The following STRBP variants were observed in gnomAD, a reference collection of about 807,000 sequenced individuals.
The protein encoded by STRBP is spermatid perinuclear RNA binding protein, also known as spermatid perinuclear RNA-binding protein.
In STRBP, 13 loss-of-function variants were observed where a neutral mutation model predicts 80.1. The ratio of observed to expected loss-of-function variants is 0.16; its 90% CI spans 0.11 to 0.26. The LOEUF is 0.26. Ranked by LOEUF, STRBP falls within the 10% of genes least tolerant of loss-of-function variation. STRBP has a pLI of 1.00. For missense variants in STRBP, 485 were observed against 815.2 expected, an observed-to-expected ratio of 0.59 and a Z score of 4.93; for synonymous variants, 284 against 291.2, an observed-to-expected ratio of 0.98 and a Z score of 0.25.
At chr9:123,205,230 C>T (rs767794874) in intron 2 of STRBP, among the ~76,000 whole-genome samples, 19 of 152,216 alleles carry the variant, frequency 1.2e-4, no homozygotes, top group Non-Finnish European at 2.5e-4. Context: ...TGCACCACTG[C>T]ACTCCAGCTG....
At chr9:123,225,338 G>C (rs570605958) in intron 2 of STRBP, among the ~76,000 whole-genome samples, 32 of 152,276 alleles carry the variant, frequency 2.1e-4, no homozygotes, top group African/African-American at 7.5e-4. Flanking sequence ...GACAGATGGG[G>C]AAAAAGGAAA....
chr9:123,139,749 A>C, intron 13 of STRBP, 62 bp from the exon 14 acceptor site: 1 of 1,538,678 alleles, frequency 6.5e-7, no homozygotes, highest in Non-Finnish European at 8.8e-7. Flanking sequence ...AATAGACAAA[A>C]TATTGAGAAC....
At chr9:123,188,515 G>T (rs112218511) in intron 2 of STRBP, among the ~76,000 whole-genome samples, 1 of 152,020 alleles carries the variant, frequency 6.6e-6, no homozygotes, top group Admixed American at 6.5e-5. Context: ...GGTGGTGGGC[G>T]CCTGTAGTCC....
intron 2 of STRBP, among the ~76,000 whole-genome samples, chr9:123,187,579 T>C (rs1287489542): frequency 6.6e-6 from 1 of 152,222 alleles, no homozygotes. Context: ...AAATATTAAC[T>C]ATGCACTCCT....
chr9:123,234,200 C>CAAA (rs59309974), intron 2 of STRBP, among the ~76,000 whole-genome samples: 7 of 72,264 alleles, frequency 9.7e-5, no homozygotes, highest in African/African-American at 3.2e-4. Flanking sequence ...GACGCCGTGT[C>CAAA]AAAAAAAAAA....
intron 13 of STRBP, among the ~76,000 whole-genome samples, chr9:123,143,578 G>A (rs1295002924): frequency 6.6e-6 from 1 of 152,172 alleles, no homozygotes; most frequent in Non-Finnish European, 1.5e-5. Context: ...CATAACATGT[G>A]ATATAACTTT....
chr9:123,257,010 C>G (rs34742475), intron 1 of STRBP, among the ~76,000 whole-genome samples: 4,025 of 151,828 alleles, frequency 0.027, 74 homozygotes, highest in Non-Finnish European at 0.043. Flanking sequence ...TTGTCAAACT[C>G]ATAAAGATAG....
At chr9:123,178,053 GTAAA>G (rs753357772) in intron 4 of STRBP, among the ~76,000 whole-genome samples, 3 of 152,130 alleles carry the variant, frequency 2.0e-5, no homozygotes, top group Non-Finnish European at 4.4e-5. Context: ...TAAACTGCCT[GTAAA>G]TAGTTTAAAA....
Position 123,158,038 on chromosome 9 carries a change from T to C in STRBP, c.1019A>G (p.Tyr340Cys). 6.2e-7 allele frequency: 1 copy of C among 1,610,488 alleles called. No individual in the cohort carries two copies. The highest frequency in any genetic ancestry group is 8.5e-7 in the Non-Finnish European group (1 of 1,178,850). ...PLPSSKPFQK[Y>C]SWSVTDKEGA... ...TTCTTTATCAGTAACTGACCAGGAATACTTCTGAAAAGGCTTACTAGATGG... is the reference window on the plus strand; with the variant it reads ...TTCTTTATCAGTAACTGACCAGGAACACTTCTGAAAAGGCTTACTAGATGG... Residue 340 changes from tyrosine (Y) to cysteine (C), a missense_variant, in exon 11 of 19, where the codon TAT (tyrosine) becomes TGT (cysteine). Physicochemically the swap from Tyr to Cys is radical, Grantham distance 194. Coordinates refer to ENST00000348403, the MANE Select transcript of STRBP (RefSeq NM_018387.5).
At chr9:123,182,787 G>C (rs1419153415) in intron 3 of STRBP, among the ~76,000 whole-genome samples, 2 of 151,998 alleles carry the variant, frequency 1.3e-5, no homozygotes, top group Non-Finnish European at 2.9e-5. Context: ...GGCAGCAGCA[G>C]GGTTCCTTGA....
intron 2 of STRBP, among the ~76,000 whole-genome samples, chr9:123,226,780 G>A (rs1296378963): frequency 6.6e-6 from 1 of 152,086 alleles, no homozygotes; most frequent in Non-Finnish European, 1.5e-5. Flanking sequence ...GTGGCGGGGT[G>A]GGGAGGAAGA....
intron 1 of STRBP, among the ~76,000 whole-genome samples, chr9:123,246,057 G>T (rs2040793923): frequency 6.6e-6 from 1 of 152,126 alleles, no homozygotes; most frequent in Admixed American, 6.6e-5. Context: ...TACAAAAATG[G>T]ATATATTAAT....
chr9:123,212,652 T>C (rs987790323), intron 2 of STRBP: 5 of 152,190 alleles, frequency 3.3e-5, no homozygotes, highest in African/African-American at 1.2e-4. Context: ...TCAAGAATAT[T>C]ATCCACAGAT....
chr9:123,253,753 G>A (rs2040964302), intron 1 of STRBP, among the ~76,000 whole-genome samples: 1 of 152,172 alleles, frequency 6.6e-6, no homozygotes, highest in Non-Finnish European at 1.5e-5. Context: ...CTATTAAATA[G>A]CATAAGAAGG....
chr9:123,205,439 A>G (rs570894362), intron 2 of STRBP, among the ~76,000 whole-genome samples: 2 of 152,332 alleles, frequency 1.3e-5, no homozygotes, highest in African/African-American at 2.4e-5. Flanking sequence ...AACAAAACCC[A>G]TATCTGGAGA....
chr9:123,150,874 A>C (rs972641964), intron 11 of STRBP, among the ~76,000 whole-genome samples: 1 of 152,318 alleles, frequency 6.6e-6, no homozygotes, highest in South Asian at 2.1e-4. Flanking sequence ...TGTGGCTCTC[A>C]CAAGGATGAA....
rs2037423943 is a variant in STRBP at position 123,159,318 on chromosome 9, TTTAACATTTAGGACCCAC to T, written c.724-129_724-112del. ...AGGGAGGCCAAAGAGTGAAATTCAA[TTTAACATTTAGGACCCAC>T]TTAACATTTTCCCCATGATTATCAA... On this transcript the variant is annotated intron_variant, in intron 8 of 18. Coordinates refer to ENST00000348403, the MANE Select transcript of STRBP (RefSeq NM_018387.5). 4 of 669,944 alleles carry T rather than the reference TTTAACATTTAGGACCCAC, an allele frequency of 6.0e-6. No homozygotes were observed. In the South Asian group the frequency reaches 1.1e-4, roughly 18 times the overall value. The allele number at this position is 669,944 out of a possible 1,614,324, so 41.5% of individuals were successfully genotyped here.
chr9:123,210,776 C>T (rs994846641), intron 2 of STRBP, among the ~76,000 whole-genome samples: 1 of 151,754 alleles, frequency 6.6e-6, no homozygotes. Flanking sequence ...CTGCAGTGAG[C>T]CAAGATCGTG....
At chr9:123,117,155 T>C (rs370348039), downstream of STRBP, among the ~76,000 whole-genome samples, 31 of 152,290 alleles carry the variant, frequency 2.0e-4, no homozygotes, top group East Asian at 2.7e-3. Flanking sequence ...GACTGTGTTC[T>C]ATGAATGCCA....
Sources: gnomAD v4.1 joint callset for allele counts (sites outside exome capture counted in the v4.1 genomes callset) on GRCh38, gnomAD v4.1.1 for gene constraint, MANE v1.5 for transcripts, NCBI Gene and HGNC (gene_info 2026-07-23, HGNC 2026-07-21) for gene names.